The following PLOD2 variants were observed in gnomAD, a reference collection of about 807,000 sequenced individuals.
The protein encoded by PLOD2 is lysine hydroxylase 2.
PLOD2 carries 65 observed loss-of-function variants against 101.0 expected under a neutral mutation model. The ratio of observed to expected loss-of-function variants is 0.64; its 90% CI spans 0.53 to 0.79. The LOEUF is 0.79. PLOD2 is among the 30% of genes least tolerant of loss of function. PLOD2 has a pLI of 0.00. For missense variants in PLOD2, 909 were observed against 914.6 expected, an observed-to-expected ratio of 0.99 and a Z score of 0.08; for synonymous variants, 314 against 302.9, an observed-to-expected ratio of 1.04 and a Z score of -0.38.
chr3:146,106,984 CAAG>C (rs542144282), intron 4 of PLOD2, among the ~76,000 whole-genome samples: 15 of 152,260 alleles, frequency 9.9e-5, no homozygotes, highest in Admixed American at 4.6e-4. Flanking sequence ...TAGACTGAGA[CAAG>C]AATTTTTTCT....
chr3:146,125,677 G>A (rs1289282352), intron 1 of PLOD2, among the ~76,000 whole-genome samples: 1 of 152,054 alleles, frequency 6.6e-6, no homozygotes, highest in African/African-American at 2.4e-5. Flanking sequence ...AACTCGGGGG[G>A]CGGAGATGGT....
intron 1 of PLOD2, among the ~76,000 whole-genome samples, chr3:146,124,446 G>A (rs1363250675): frequency 2.6e-5 from 4 of 151,888 alleles, no homozygotes; most frequent in Non-Finnish European, 4.4e-5. Context: ...TTATTTCAAC[G>A]CAAAAAAGTA....
chr3:146,075,569 T>A (rs1936303892), intron 15 of PLOD2, among the ~76,000 whole-genome samples: 1 of 150,344 alleles, frequency 6.7e-6, no homozygotes, highest in Non-Finnish European at 1.5e-5. Flanking sequence ...ATATGCTGAA[T>A]CAATCAGCTT....
intron 1 of PLOD2, among the ~76,000 whole-genome samples, chr3:146,140,663 A>G (rs1433799402): frequency 6.6e-6 from 1 of 152,110 alleles, no homozygotes; most frequent in Non-Finnish European, 1.5e-5. Flanking sequence ...TTTAGTCATA[A>G]AGCATTCCAG....
At chr3:146,135,211 T>C (rs911299227) in intron 1 of PLOD2, among the ~76,000 whole-genome samples, 1 of 152,200 alleles carries the variant, frequency 6.6e-6, no homozygotes, top group Non-Finnish European at 1.5e-5. Context: ...AGCATCAGTT[T>C]TGGCAGCTCA....
At chr3:146,080,513 CACACACACAT>C (rs776838470) in intron 12 of PLOD2, among the ~76,000 whole-genome samples, 6 of 150,964 alleles carry the variant, frequency 4.0e-5, no homozygotes, top group African/African-American at 9.7e-5. Flanking sequence ...TCAACTTATA[CACACACACAT>C]ACACACACAC....
rs1257940343 is a variant in PLOD2 at position 146,071,127 on chromosome 3, T to C, written c.2036A>G (p.Glu679Gly). The C allele has an allele frequency of 3.7e-6, 6 of 1,611,150 alleles. No individual in the cohort carries two copies. Among genetic ancestry groups the C allele is most frequent in the Non-Finnish European group, 4.2e-6 (5 of 1,178,136 alleles). ...LLNFVVKYSP[E>G]RQRSLRPHHD... ...ATGAGGACGAAGAGAACGCTGTCGT[T>C]CAGGGGAGTATTTTACTACAAAATT... The change falls in exon 19 of 20, where the codon GAA becomes GGA. Residue 679 changes from glutamate (E) to glycine (G), a missense_variant. By Grantham distance (98) the Glu-to-Gly change is moderately conservative (BLOSUM62 -2). Transcript: ENST00000282903.
At chr3:146,119,612 G>A (rs2029887888) in intron 3 of PLOD2, among the ~76,000 whole-genome samples, 1 of 151,590 alleles carries the variant, frequency 6.6e-6, no homozygotes, top group African/African-American at 2.4e-5. Flanking sequence ...TCCACAACAG[G>A]CCCCCGTGTG....
chr3:146,093,575 T>G (rs1937052175), intron 7 of PLOD2, among the ~76,000 whole-genome samples: 1 of 152,214 alleles, frequency 6.6e-6, no homozygotes, highest in Non-Finnish European at 1.5e-5. Context: ...TTAGCATTAT[T>G]TCTTAAAAAG....
At chr3:146,129,067 G>T (rs1245573260) in intron 1 of PLOD2, among the ~76,000 whole-genome samples, 1 of 151,752 alleles carries the variant, frequency 6.6e-6, no homozygotes, top group Non-Finnish European at 1.5e-5. Context: ...AAATTATTGT[G>T]CCACAGAAGT....
intron 7 of PLOD2, among the ~76,000 whole-genome samples, chr3:146,096,403 G>A (rs577865166): frequency 4.8e-5 from 5 of 103,502 alleles, no homozygotes; most frequent in East Asian, 3.2e-4. Context: ...AGTGAGGAGC[G>A]TCTCTGCCCG....
chr3:146,132,777 TTCAAGACATTTTTTAAAACATAC>T (rs1341529629), intron 1 of PLOD2, among the ~76,000 whole-genome samples: 2 of 152,210 alleles, frequency 1.3e-5, no homozygotes, highest in Non-Finnish European at 2.9e-5. Context: ...CTATGAAAGC[TTCAAGACATTTTTTAAAACATAC>T]AGATTATACT....
At chr3:146,123,524 A>AAAC (rs1298835369) in intron 2 of PLOD2, among the ~76,000 whole-genome samples, 4 of 151,926 alleles carry the variant, frequency 2.6e-5, no homozygotes, top group African/African-American at 4.8e-5. Context: ...ACAAACAAAC[A>AAAC]AAAAAAGCAA....
At chr3:146,096,219 C>G (rs1226913335) in intron 7 of PLOD2, among the ~76,000 whole-genome samples, 13 of 132,386 alleles carry the variant, frequency 9.8e-5, no homozygotes, top group Admixed American at 9.0e-4. Context: ...AGTGCAGTGG[C>G]GTGATCTCGG....
intron 7 of PLOD2, among the ~76,000 whole-genome samples, chr3:146,095,928 T>C (rs1424450363): frequency 8.8e-6 from 1 of 113,220 alleles, no homozygotes. Flanking sequence ...AGTCTCCCTC[T>C]GATGCCGAGC....
At chr3:146,135,198 T>C (rs2031162157) in intron 1 of PLOD2, among the ~76,000 whole-genome samples, 1 of 152,230 alleles carries the variant, frequency 6.6e-6, no homozygotes. Flanking sequence ...TTGAAAGTTT[T>C]ATAGCATCAG....
chr3:146,159,478 C>T (rs1002510834), intron 1 of PLOD2, among the ~76,000 whole-genome samples: 1 of 152,120 alleles, frequency 6.6e-6, no homozygotes, highest in African/African-American at 2.4e-5. Flanking sequence ...TTACAAAGTC[C>T]TTAGAGGTTA....
intron 12 of PLOD2, among the ~76,000 whole-genome samples, chr3:146,080,913 AC>A (rs1936517807): frequency 6.6e-6 from 1 of 152,106 alleles, no homozygotes; most frequent in African/African-American, 2.4e-5. Flanking sequence ...CACAAGCAAC[AC>A]ATCTTTTTAC....
chr3:146,133,216 G>A (rs1270415276), intron 1 of PLOD2, among the ~76,000 whole-genome samples: 2 of 152,052 alleles, frequency 1.3e-5, no homozygotes, highest in Non-Finnish European at 1.5e-5. Context: ...CTAGTATGAG[G>A]TGTAATTTTT....
Sources: allele counts gnomAD v4.1 joint callset (sites outside exome capture counted in the v4.1 genomes callset), GRCh38; gene constraint gnomAD v4.1.1; transcripts MANE v1.5; gene names NCBI Gene and HGNC (gene_info 2026-07-23, HGNC 2026-07-21).